Variants in IGF2BP2 observed in about 807,000 individuals in gnomAD.
IGF2BP2 encodes insulin-like growth factor 2 mRNA-binding protein 2.
IGF2BP2 carries 17 observed loss-of-function variants against 75.8 expected under a neutral mutation model. That is an observed-to-expected ratio of 0.22 (90% CI 0.15 to 0.34). The LOEUF (loss-of-function observed/expected upper bound fraction) is 0.34, where lower values mean the gene tolerates loss of function less well. Ranked by LOEUF, IGF2BP2 falls within the 10% of genes least tolerant of loss-of-function variation. The pLI is 1.00. For missense variants in IGF2BP2, 516 were observed against 772.4 expected (o/e 0.67, Z 3.93); for synonymous variants, 288 against 295.6 (o/e 0.97, Z 0.26).
In IGF2BP2 at chr3:185,675,153, G is replaced by T. The variant is rs565887651; in HGVS notation, c.1071+143C>A. 54 of 725,314 alleles carry T rather than the reference G, an allele frequency of 7.4e-5. 2 individuals carry two copies. In the East Asian group the frequency reaches 8.9e-4, roughly 12 times the overall value. 44.9% of individuals were successfully genotyped at this position (725,314 alleles called of 1,614,324 possible). The stretch of plus-strand genomic sequence containing the variant: ...CGCACTTATCATAATTTACTAGTTG[G>T]TTTCCTGATTATTTTAATGCTTTTA... On this transcript the variant is annotated intron_variant, in intron 9 of 15. Coordinates refer to ENST00000382199, the MANE Select transcript of IGF2BP2 (RefSeq NM_006548.6).
At chr3:185,664,755 A>G (rs1717016478) in intron 10 of IGF2BP2, among the ~76,000 whole-genome samples, 1 of 152,190 alleles carries the variant, frequency 6.6e-6, no homozygotes, top group African/African-American at 2.4e-5. Context: ...CAAGACAAAG[A>G]GTGGGAAGTG....
chr3:185,680,849 G>T (rs529548300), intron 7 of IGF2BP2, among the ~76,000 whole-genome samples: 4 of 152,170 alleles, frequency 2.6e-5, no homozygotes, highest in Admixed American at 1.3e-4. Flanking sequence ...GGAACTACAT[G>T]ATCATGTCAT....
intron 2 of IGF2BP2, among the ~76,000 whole-genome samples, chr3:185,712,183 A>C (rs941759700): frequency 6.6e-6 from 1 of 152,218 alleles, no homozygotes; most frequent in African/African-American, 2.4e-5. Context: ...CCAACAGATT[A>C]TGCTTATTTT....
At chr3:185,676,600 G>A (rs950527906) in intron 7 of IGF2BP2, among the ~76,000 whole-genome samples, 1 of 151,622 alleles carries the variant, frequency 6.6e-6, no homozygotes, top group Non-Finnish European at 1.5e-5. Context: ...TTGAGCCAGG[G>A]AGGCCAAAGC....
rs114881859 is a variant in IGF2BP2, at chr3:185,650,023, G to C, written c.1462-489C>G. Among the ~76,000 whole-genome samples the C allele has an allele frequency of 8.0e-3, 1,218 of 151,976 alleles. 16 individuals are homozygous for C. Among genetic ancestry groups the C allele is most frequent in the African/African-American group, 0.028 (1,161 of 41,454 alleles). On this transcript the variant is annotated intron_variant, in intron 13 of 15. Transcript: ENST00000382199. ...TTTAATTAAAAAAATTTCTAATGGAGAACAGGGTCTTGCTCTGTGCCCAGG... is the reference window on the plus strand; with the variant it reads ...TTTAATTAAAAAAATTTCTAATGGACAACAGGGTCTTGCTCTGTGCCCAGG...
chr3:185,819,740 A>G (rs1366171521), intron 2 of IGF2BP2, among the ~76,000 whole-genome samples: 1 of 152,140 alleles, frequency 6.6e-6, no homozygotes, highest in Admixed American at 6.5e-5. Context: ...AAATTCTTGA[A>G]GTAGGAAGGT....
chr3:185,744,711 A>T (rs1730017415), intron 2 of IGF2BP2, among the ~76,000 whole-genome samples: 1 of 152,190 alleles, frequency 6.6e-6, no homozygotes, highest in Non-Finnish European at 1.5e-5. Flanking sequence ...TGGGAGGCTG[A>T]GGCACAAGAA....
Position 185,825,018 on chromosome 3 carries a change from T to G in IGF2BP2, c.-58A>C, listed in dbSNP as rs1248249867. Reference sequence around the variant, plus strand: ...GGCCCGGTACCCGGCGCTCCTCGCCTCCTCCGCTGCCCTCGTCTCTCCTCC... The same window carrying G: ...GGCCCGGTACCCGGCGCTCCTCGCCGCCTCCGCTGCCCTCGTCTCTCCTCC... On this transcript the variant is annotated 5_prime_UTR_variant, in exon 1 of 16. Transcript: ENST00000382199. 5 of 1,354,336 alleles carry G rather than the reference T, an allele frequency of 3.7e-6. No individual in the cohort carries two copies. Among genetic ancestry groups the G allele is most frequent in the Non-Finnish European group, 4.9e-6 (5 of 1,019,894 alleles). 83.9% of individuals were successfully genotyped at this position (1,354,336 alleles called of 1,614,324 possible).
intron 2 of IGF2BP2, among the ~76,000 whole-genome samples, chr3:185,787,515 T>C (rs1230232926): frequency 1.3e-5 from 2 of 152,122 alleles, no homozygotes; most frequent in East Asian, 3.9e-4. Flanking sequence ...GGCAGATCAC[T>C]TGAGGTCAGG....
At chr3:185,807,626 T>G (rs1739196581) in intron 2 of IGF2BP2, among the ~76,000 whole-genome samples, 1 of 152,272 alleles carries the variant, frequency 6.6e-6, no homozygotes, top group Non-Finnish European at 1.5e-5. Flanking sequence ...ATTCAACTTA[T>G]TGAGTAATCC....
chr3:185,681,837 T>G (rs1181862809), intron 7 of IGF2BP2, among the ~76,000 whole-genome samples: 1 of 152,162 alleles, frequency 6.6e-6, no homozygotes, highest in African/African-American at 2.4e-5. Context: ...ATTCAGCAGA[T>G]GGTGCTGGGG....
chr3:185,722,913 G>A (rs1346642554), intron 2 of IGF2BP2, among the ~76,000 whole-genome samples: 1 of 152,150 alleles, frequency 6.6e-6, no homozygotes, highest in African/African-American at 2.4e-5. Context: ...CTATGATAGA[G>A]TGTTTTCAAA....
chr3:185,824,847 G>A lies in IGF2BP2; in HGVS notation c.114C>T (p.Ser38=). 2.6e-6 allele frequency: 4 copies of A among 1,549,076 alleles called. No individual in the cohort carries two copies. The highest frequency in any genetic ancestry group is 3.5e-6 in the Non-Finnish European group (4 of 1,146,724). ...LPLAGQVLLK[S]GYAFVDYPDQ... is the part of the protein sequence containing the mutation. The stretch of plus-strand genomic sequence containing the variant: ...CGGGGTAGTCCACGAAGGCGTAGCC[G>A]GACTTCAGCAGGACCTGTCCCGCCA... Residue 38 remains serine (S), a synonymous_variant, in exon 1 of 16, where the codon TCC becomes TCT. Transcript: ENST00000382199.
intron 7 of IGF2BP2, among the ~76,000 whole-genome samples, chr3:185,678,871 A>G (rs1262623206): frequency 6.6e-6 from 1 of 152,218 alleles, no homozygotes; most frequent in Non-Finnish European, 1.5e-5. Flanking sequence ...TTAACATTGT[A>G]TAACGTCCCT....
At chr3:185,714,776 C>T (rs781244233) in intron 2 of IGF2BP2, among the ~76,000 whole-genome samples, 1 of 152,178 alleles carries the variant, frequency 6.6e-6, no homozygotes. Context: ...AGCAAGACTC[C>T]ATCCCTATCA....
chr3:185,715,180 C>T (rs181474349), intron 2 of IGF2BP2, among the ~76,000 whole-genome samples: 33 of 152,198 alleles, frequency 2.2e-4, no homozygotes, highest in African/African-American at 7.0e-4. Context: ...ATAGAGGGGT[C>T]GGGAAAGATA....
intron 2 of IGF2BP2, among the ~76,000 whole-genome samples, chr3:185,725,814 A>T (rs893788930): frequency 1.1e-4 from 17 of 152,046 alleles, no homozygotes; most frequent in Admixed American, 3.3e-4. Context: ...CTCTATAAAA[A>T]TTTTTTTAAA....
intron 2 of IGF2BP2, among the ~76,000 whole-genome samples, chr3:185,808,557 C>T (rs73063004): frequency 0.45 from 68,071 of 151,688 alleles, 18,301 homozygotes; most frequent in African/African-American, 0.77. Flanking sequence ...TTAATTTTTA[C>T]TTTTTTTCTT....
chr3:185,780,268 G>A (rs1352283909), intron 2 of IGF2BP2, among the ~76,000 whole-genome samples: 4 of 152,192 alleles, frequency 2.6e-5, no homozygotes, highest in Non-Finnish European at 5.9e-5. Flanking sequence ...AAGGAGGAAA[G>A]GGACCAGGAT....
Sources: allele counts gnomAD v4.1 joint callset (sites outside exome capture counted in the v4.1 genomes callset), GRCh38; gene constraint gnomAD v4.1.1; transcripts MANE v1.5; gene names NCBI Gene and HGNC (gene_info 2026-07-23, HGNC 2026-07-21).